The following VTCN1 variants were observed in gnomAD, a reference collection of about 807,000 sequenced individuals.
VTCN1 encodes the protein V-set domain containing T cell activation inhibitor 1, also known as V-set domain-containing T-cell activation inhibitor 1.
A neutral mutation model predicts 26.5 loss-of-function variants in VTCN1; 26 were observed. That is an observed-to-expected ratio of 0.98 (90% CI 0.72 to 1.36). VTCN1 has a LOEUF of 1.36. Among genes scored for constraint, VTCN1 ranks in the 40% most tolerant of loss-of-function variants. The probability of loss-of-function intolerance (pLI) is 0.00; values close to 1 mark genes in which losing one functional copy is unlikely to be tolerated. For synonymous variants in VTCN1, 116 were observed against 130.7 expected (o/e 0.89, Z 0.77); for missense variants, 298 against 337.7 (o/e 0.88, Z 0.92).
rs909761223 is a variant in VTCN1 at position 117,143,849 on chromosome 1, T to G, written c.*1422A>C. 1 of 152,228 alleles carries G rather than the reference T, an allele frequency of 6.6e-6. No individual in the cohort carries two copies. The highest frequency in any genetic ancestry group is 1.5e-5 in the Non-Finnish European group (1 of 68,046). 9.4% of individuals were successfully genotyped at this position (152,228 alleles called of 1,614,324 possible). ...TCATGGAAGGTATATGTTTGTTGCC[T>G]TAATTTGAATTGTGGCCAGGCAGGG... On this transcript the variant is annotated 3_prime_UTR_variant, in exon 6 of 6. Transcript: ENST00000369458.
In VTCN1 at chr1:117,169,936, C is replaced by T. The variant is rs928301816; in HGVS notation, c.97+171G>A. The stretch of plus-strand genomic sequence containing the variant: ...TAATAAAAAATGAGGACACTGAAGT[C>T]GAGGACTTAACTGACTAATGTAGAG... On this transcript the variant is annotated intron_variant, in intron 2 of 5. Transcript: ENST00000369458. This position sits in a 1 kb window ranked among gnomAD's most constrained non-coding sequence, Gnocchi z 4.0. 3.3e-5 allele frequency among the ~76,000 whole-genome samples: 5 copies of T among 152,012 alleles called. No homozygotes were observed. Among genetic ancestry groups the T allele is most frequent in the South Asian group, 2.1e-4 (1 of 4,818 alleles).
chr1:117,170,113 T>C lies in VTCN1; in HGVS notation c.91A>G (p.Ile31Val), dbSNP rs1269492760. Residue 31 changes from isoleucine to valine, a missense_variant, in exon 2 of 6, where the codon ATT becomes GTT. Transcript: ENST00000369458. ...AATGCAAGAAATCACATACCTGAAA[T>C]ACCAAAGCCAATGATGAGTGCAATT... ...GAIALIIGFG[I>V]SGRHSITVTT... 3.7e-6 allele frequency: 6 copies of C among 1,613,590 alleles called. No individual in the cohort carries two copies. The South Asian group carries it at 6.6e-5, about 18-fold the overall frequency.
intron 1 of VTCN1, chr1:117,203,858 A>G (rs1197037190): frequency 2.0e-5 from 18 of 883,640 alleles, no homozygotes; most frequent in Non-Finnish European, 2.3e-5. Context: ...AGAATTTCTG[A>G]TTCTTTGCAG....
intron 2 of VTCN1, among the ~76,000 whole-genome samples, chr1:117,163,089 A>G (rs1652451789): frequency 6.6e-6 from 1 of 152,236 alleles, no homozygotes; most frequent in South Asian, 2.1e-4. Context: ...CCTTGGGGTC[A>G]AACCTGTGAG....
chr1:117,181,957 G>A (rs116793883), intron 1 of VTCN1, among the ~76,000 whole-genome samples: 1,993 of 152,240 alleles, frequency 0.013, 20 homozygotes, highest in Middle Eastern at 0.024. Flanking sequence ...TAAAGCCACC[G>A]TGACTGTTTT....
At chr1:117,202,168 C>T (rs1038205390) in intron 1 of VTCN1, among the ~76,000 whole-genome samples, 23 of 152,224 alleles carry the variant, frequency 1.5e-4, no homozygotes, top group Non-Finnish European at 2.1e-4. Flanking sequence ...CTGTTATATT[C>T]TGTTCCTGAA....
At chr1:117,196,367 G>A (rs1648506076) in intron 1 of VTCN1, among the ~76,000 whole-genome samples, 1 of 150,444 alleles carries the variant, frequency 6.6e-6, no homozygotes, top group Admixed American at 6.6e-5. Context: ...AATATGTACA[G>A]TATTTTACTA....
intron 1 of VTCN1, among the ~76,000 whole-genome samples, chr1:117,196,906 C>G (rs954947573): frequency 6.6e-6 from 1 of 152,118 alleles, no homozygotes; most frequent in South Asian, 2.1e-4. Context: ...CACCTGGAGC[C>G]CCTAGAATTT....
At chr1:117,202,533 G>A (rs1001081820) in intron 1 of VTCN1, among the ~76,000 whole-genome samples, 4 of 152,172 alleles carry the variant, frequency 2.6e-5, no homozygotes, top group Non-Finnish European at 5.9e-5. Context: ...GGCACTGACC[G>A]GAACAGTATC....
chr1:117,198,810 A>G (rs1648646268), intron 1 of VTCN1, among the ~76,000 whole-genome samples: 1 of 152,252 alleles, frequency 6.6e-6, no homozygotes, highest in Non-Finnish European at 1.5e-5. Flanking sequence ...ATATCACCTC[A>G]TGAATCCTCC....
At chr1:117,164,012 G>T (rs1345357734) in intron 2 of VTCN1, among the ~76,000 whole-genome samples, 1 of 152,212 alleles carries the variant, frequency 6.6e-6, no homozygotes, top group East Asian at 1.9e-4. Context: ...CACTCACCAG[G>T]TTATTTAGGG....
At chr1:117,205,055 A>G (rs1203173352) in intron 1 of VTCN1, among the ~76,000 whole-genome samples, 1 of 145,800 alleles carries the variant, frequency 6.9e-6, no homozygotes, top group Non-Finnish European at 1.5e-5. Flanking sequence ...GTATATGTAT[A>G]TATATGTATA....
At chr1:117,151,128 CCAGAAG>C (rs563725694) in intron 4 of VTCN1, among the ~76,000 whole-genome samples, 7 of 152,004 alleles carry the variant, frequency 4.6e-5, no homozygotes, top group African/African-American at 1.7e-4. Flanking sequence ...GAAGGCATAC[CCAGAAG>C]CAGGACTGTT....
At chr1:117,197,956 T>C (rs998950235) in intron 1 of VTCN1, among the ~76,000 whole-genome samples, 4 of 152,172 alleles carry the variant, frequency 2.6e-5, no homozygotes, top group Admixed American at 1.3e-4. Context: ...TGCCTGCTGG[T>C]AACTGGGTGT....
Position 117,146,535 on chromosome 1 carries a change from G to T in VTCN1, c.*45+1078C>A, listed in dbSNP as rs899259615. Among the ~76,000 whole-genome samples the T allele has an allele frequency of 1.3e-5, 2 of 152,186 alleles. No homozygotes were observed. The highest frequency in any genetic ancestry group is 2.9e-5 in the Non-Finnish European group (2 of 68,038). ...AATACAAAGACTCTTGGGGAGGTGG[G>T]ATATAAGCTAGGAAGCATTTTCCTA... On this transcript the variant is annotated intron_variant, in intron 5 of 5. Coordinates refer to ENST00000369458, the MANE Select transcript of VTCN1 (RefSeq NM_024626.4). This position sits in a 1 kb window ranked among gnomAD's most constrained non-coding sequence, Gnocchi z 4.2.
intron 1 of VTCN1, among the ~76,000 whole-genome samples, chr1:117,195,256 G>T (rs1229793186): frequency 1.8e-5 from 2 of 111,170 alleles, no homozygotes; most frequent in African/African-American, 6.8e-5. Flanking sequence ...GCAAGACTCC[G>T]TCTCAAAATA....
chr1:117,203,556 AG>A (rs1049553157), intron 1 of VTCN1: 1 of 952,738 alleles, frequency 1.0e-6, no homozygotes, highest in African/African-American at 1.8e-5. Flanking sequence ...GAAGCATTGC[AG>A]GCAGATGGTT....
chr1:117,155,018 A>G lies in VTCN1; in HGVS notation c.445+1556T>C, dbSNP rs1651997244. 6.6e-6 allele frequency among the ~76,000 whole-genome samples: 1 copy of G among 152,016 alleles called. No individual in the cohort carries two copies. The highest frequency in any genetic ancestry group is 1.5e-5 in the Non-Finnish European group (1 of 68,000). The stretch of plus-strand genomic sequence containing the variant: ...TTCCCAATTTTCTGTATATTCCATG[A>G]CGTTGACAGTTTTGAGGAGTACTGG... On this transcript the variant is annotated intron_variant, in intron 3 of 5. Transcript: ENST00000369458. The surrounding 1 kb of genome is among the most constrained non-coding windows in gnomAD (Gnocchi z 4.8).
In VTCN1 at chr1:117,153,128, A is replaced by C; in HGVS notation, c.687T>G (p.Asn229Lys). The C allele has an allele frequency of 6.2e-7, 1 of 1,612,520 alleles. No homozygotes were observed. Among genetic ancestry groups the C allele is most frequent in the Non-Finnish European group, 8.5e-7 (1 of 1,179,050 alleles). ...TATCCCCTGTTGCTTTGGCAATGTC[A>C]TTTTCAATCATACAGGAGTATGTGT... ...INNTYSCMIE[N>K]DIAKATGDIK... Residue 229 changes from asparagine (N) to lysine (K), a missense_variant, in exon 4 of 6, where the codon AAT becomes AAG. Coordinates refer to ENST00000369458, the MANE Select transcript of VTCN1 (RefSeq NM_024626.4).
Sources: allele counts gnomAD v4.1 joint callset (sites outside exome capture counted in the v4.1 genomes callset), GRCh38; gene constraint gnomAD v4.1.1; non-coding constraint Gnocchi (gnomAD v3.1); transcripts MANE v1.5; gene names NCBI Gene and HGNC (gene_info 2026-07-23, HGNC 2026-07-21).